Variants in STARD13 observed in about 807,000 individuals in gnomAD.
STARD13 encodes the protein stAR-related lipid transfer protein 13.
Under a neutral mutation model 106.4 loss-of-function variants are expected in STARD13, and 62 were observed. The ratio of observed to expected loss-of-function variants is 0.58; its 90% CI spans 0.48 to 0.72. The LOEUF (loss-of-function observed/expected upper bound fraction) is 0.72, where lower values mean the gene tolerates loss of function less well. STARD13 is among the 30% of genes least tolerant of loss of function. The pLI, the probability that STARD13 is intolerant of heterozygous loss-of-function variation, is 0.00. For synonymous variants in STARD13, 565 were observed against 553.0 expected (o/e 1.02, Z -0.31); for missense variants, 1,387 against 1,424.0 (o/e 0.97, Z 0.42).
At chr13:33,166,955 C>A (rs1461215241) in intron 2 of STARD13, among the ~76,000 whole-genome samples, 1 of 149,562 alleles carries the variant, frequency 6.7e-6, no homozygotes, top group Non-Finnish European at 1.5e-5. Flanking sequence ...GATTGTACCA[C>A]TGCACTCCAG....
chr13:33,480,879 T>C, the STARD13 span, among the ~76,000 whole-genome samples: 1 of 152,166 alleles, frequency 6.6e-6, no homozygotes, highest in African/African-American at 2.4e-5. Flanking sequence ...GGTCTTATCA[T>C]ATGTAAAATC....
At chr13:33,234,301 T>C (rs1352411609) in intron 1 of STARD13, among the ~76,000 whole-genome samples, 1 of 152,218 alleles carries the variant, frequency 6.6e-6, no homozygotes, top group East Asian at 1.9e-4. Context: ...TTGAATTTTG[T>C]TCTTTTGAGA....
chr13:33,533,644 T>A, the STARD13 span, among the ~76,000 whole-genome samples: 1 of 152,194 alleles, frequency 6.6e-6, no homozygotes, highest in Admixed American at 6.5e-5. Context: ...TATGCTTATA[T>A]AAACTGAAAA....
chr13:33,246,291 G>A (rs929391992), intron 1 of STARD13, among the ~76,000 whole-genome samples: 2 of 152,140 alleles, frequency 1.3e-5, no homozygotes, highest in Non-Finnish European at 2.9e-5. Context: ...AAAGAGGAAA[G>A]CACTACCATC....
the STARD13 span, among the ~76,000 whole-genome samples, chr13:33,360,635 T>TTCCTTCTGTGTAGACAGAAGGAA: frequency 1.0e-3 from 22 of 21,146 alleles, no homozygotes; most frequent in Middle Eastern, 0.024. Context: ...AATATACATT[T>TTCCTTCTGTGTAGACAGAAGGAA]TCCTTCTGTG....
chr13:33,275,517 G>C (rs1891381509), intron 1 of STARD13, among the ~76,000 whole-genome samples: 3 of 152,154 alleles, frequency 2.0e-5, no homozygotes, highest in Admixed American at 2.0e-4. Flanking sequence ...CAAAAGCTAA[G>C]AAACATTAAG....
chr13:33,614,296 T>TGTGTGTGTGTGTGTGTGTGTGTG, the STARD13 span, among the ~76,000 whole-genome samples: 2 of 151,918 alleles, frequency 1.3e-5, no homozygotes, highest in African/African-American at 4.8e-5. Flanking sequence ...TGTGTGTGTG[T>TGTGTGTGTGTGTGTGTGTGTGTG]TTCTTGGAAA....
chr13:33,181,267 T>TACACACACACAC (rs67752465), intron 1 of STARD13, among the ~76,000 whole-genome samples: 16 of 142,312 alleles, frequency 1.1e-4, no homozygotes, highest in African/African-American at 4.0e-4. Flanking sequence ...CACTCACACA[T>TACACACACACAC]ACATACACAC....
chr13:33,616,390 T>A, the STARD13 span, among the ~76,000 whole-genome samples: 1 of 152,228 alleles, frequency 6.6e-6, no homozygotes, highest in Non-Finnish European at 1.5e-5. Context: ...GTTTTAGTAG[T>A]CAGCAAGAAG....
the STARD13 span, among the ~76,000 whole-genome samples, chr13:33,484,187 A>C: frequency 6.6e-6 from 1 of 152,110 alleles, no homozygotes; most frequent in African/African-American, 2.4e-5. Flanking sequence ...CAACTTTGGG[A>C]GAAATTTGGT....
At chr13:33,549,872 G>C in the STARD13 span, among the ~76,000 whole-genome samples, 1 of 152,130 alleles carries the variant, frequency 6.6e-6, no homozygotes, top group Non-Finnish European at 1.5e-5. Flanking sequence ...TAGCCCAGAG[G>C]TTGTGCCAGG....
At chr13:33,651,666 T>C in the STARD13 span, among the ~76,000 whole-genome samples, 4 of 152,232 alleles carry the variant, frequency 2.6e-5, no homozygotes, top group African/African-American at 7.2e-5. Context: ...TAGCTGTAAA[T>C]TCCTTGGTGT....
At chr13:33,519,233 T>TTTCTTTCC in the STARD13 span, among the ~76,000 whole-genome samples, 4 of 149,030 alleles carry the variant, frequency 2.7e-5, no homozygotes, top group African/African-American at 7.5e-5. Flanking sequence ...TCTTTCTTTC[T>TTTCTTTCC]TTCTTTCTTT....
At chr13:33,479,350 C>A in the STARD13 span, among the ~76,000 whole-genome samples, 1 of 152,150 alleles carries the variant, frequency 6.6e-6, no homozygotes, top group Non-Finnish European at 1.5e-5. Flanking sequence ...GTGTATTAAT[C>A]CCTAGATCCA....
the STARD13 span, among the ~76,000 whole-genome samples, chr13:33,531,206 C>A: frequency 6.6e-6 from 1 of 152,202 alleles, no homozygotes; most frequent in African/African-American, 2.4e-5. Context: ...GTGAGGCCTC[C>A]TCACCCAGGT....
In STARD13 at chr13:33,118,198, G is replaced by A; in HGVS notation, c.2148C>T (p.Asn716=). The A allele has an allele frequency of 3.1e-6, 5 of 1,614,168 alleles. No homozygotes were observed. Among genetic ancestry groups the A allele is most frequent in the Non-Finnish European group, 4.2e-6 (5 of 1,180,032 alleles). The change falls in exon 8 of 14, where the codon AAC becomes AAT. Residue 716 remains asparagine (N), a synonymous_variant. Transcript: ENST00000336934. ...CTTCATAGTTGACGTTCTCAGGGAA[G>A]TTTTCATTCATTTGGCGAAGGGCAT... The part of the protein sequence containing the change: ...RIHALRQMNE[N]FPENVNYEDQ...
At chr13:33,343,105 G>A (rs1049122395) in intron 1 of STARD13, among the ~76,000 whole-genome samples, 2 of 152,104 alleles carry the variant, frequency 1.3e-5, no homozygotes, top group African/African-American at 4.8e-5. Flanking sequence ...ATGTCTAGTA[G>A]GCATTCCAAA....
chr13:33,486,628 C>CT, the STARD13 span, among the ~76,000 whole-genome samples: 1 of 152,246 alleles, frequency 6.6e-6, no homozygotes, highest in East Asian at 1.9e-4. Flanking sequence ...CTTATTGATG[C>CT]TTTTTTCCAA....
intron 7 of STARD13, among the ~76,000 whole-genome samples, chr13:33,122,048 G>A (rs996446892): frequency 6.6e-6 from 1 of 152,128 alleles, no homozygotes; most frequent in Non-Finnish European, 1.5e-5. Context: ...GTTTTACCAT[G>A]TTGGCCAGGC....
Sources: allele counts gnomAD v4.1 joint callset (sites outside exome capture counted in the v4.1 genomes callset), GRCh38; gene constraint gnomAD v4.1.1; transcripts MANE v1.5; gene names NCBI Gene and HGNC (gene_info 2026-07-23, HGNC 2026-07-21).